Variants in MTRR observed in about 807,000 individuals in gnomAD.
MTRR encodes the protein methionine synthase reductase.
MTRR carries 63 observed loss-of-function variants against 79.2 expected under a neutral mutation model. The ratio of observed to expected loss-of-function variants is 0.80; its 90% CI spans 0.65 to 0.98. The LOEUF is 0.98. Among genes scored for constraint, MTRR ranks in the 50% least tolerant of loss-of-function variants. MTRR has a pLI of 0.00. For synonymous variants in MTRR, 355 were observed against 313.3 expected, an observed-to-expected ratio of 1.13 and a Z score of -1.41; for missense variants, 895 against 839.6, an observed-to-expected ratio of 1.07 and a Z score of -0.82.
chr5:7,883,895 G>T (rs999786236), intron 6 of MTRR, among the ~76,000 whole-genome samples: 6 of 152,210 alleles, frequency 3.9e-5, no homozygotes, highest in African/African-American at 1.2e-4. Flanking sequence ...AGAGCCTAAG[G>T]TCAAACGAGG....
chr5:7,860,659 A>G (rs1243187957), intron 1 of MTRR, among the ~76,000 whole-genome samples: 1 of 152,230 alleles, frequency 6.6e-6, no homozygotes. Flanking sequence ...ACCAGTTAGT[A>G]CTGTAAAAGC....
upstream of MTRR, chr5:7,867,630 CT>C (rs1459997556): frequency 1.2e-6 from 2 of 1,614,114 alleles, no homozygotes; most frequent in African/African-American, 1.3e-5. Context: ...TCCAGTATTT[CT>C]TTTGGCAGCC....
chr5:7,864,808 T>A (rs162028), upstream of MTRR, among the ~76,000 whole-genome samples: 31,826 of 146,814 alleles, frequency 0.22, 4,860 homozygotes, highest in African/African-American at 0.44. Context: ...CTGTAACTAT[T>A]AGGGAAAAAA....
chr5:7,870,806 T>A lies in MTRR; in HGVS notation c.12T>A (p.Phe4Leu). 1 of 1,614,242 alleles carries A rather than the reference T, an allele frequency of 6.2e-7. No individual in the cohort carries two copies. The highest frequency in any genetic ancestry group is 8.5e-7 in the Non-Finnish European group (1 of 1,180,044). ...CATGCCTTGAAGTGATGAGGAGGTT[T>A]CTGTTACTATATGCTACACAGCAGG... Reference protein sequence around the residue: MRRFLLLYATQQGQ... With the variant: MRRLLLLYATQQGQ... Residue 4 changes from phenylalanine (F) to leucine (L), a missense_variant, in exon 2 of 15, where the codon TTT becomes TTA. By Grantham distance (22) the Phe-to-Leu change is conservative (BLOSUM62 0). Transcript: ENST00000440940.
chr5:7,888,972 C>T (rs1737082888), intron 8 of MTRR, 123 bp from the exon 9 acceptor site: 7 of 1,069,236 alleles, frequency 6.5e-6, no homozygotes, highest in Non-Finnish European at 9.8e-6. Context: ...GACAATAGCT[C>T]CTAGTGGCTT....
chr5:7,896,778 G>C, intron 12 of MTRR, 86 bp from the exon 13 acceptor site: 2 of 1,030,568 alleles, frequency 1.9e-6, no homozygotes, highest in Non-Finnish European at 3.0e-6. Context: ...ATCCGTCTGA[G>C]TTTGTTGGTG....
At chr5:7,866,657 T>C, upstream of MTRR, 1 of 1,584,400 alleles carries the variant, frequency 6.3e-7, no homozygotes, top group Non-Finnish European at 8.6e-7. Flanking sequence ...TTGCAGCCGT[T>C]GAAGGAAAAG....
In MTRR at chr5:7,857,867, AAGG is replaced by A. The variant is rs537747862; in HGVS notation, n.392-4078_392-4076del. ...CAGAGGCTGTAAGTGAAAACTGCAG[AAGG>A]AGGAGCATCTGATTCTGATGAGCAA... On this transcript the variant is annotated intron_variant and non_coding_transcript_variant, in intron 1 of 3. Coordinates refer to the MTRR transcript ENST00000502509. 2.3e-3 allele frequency among the ~76,000 whole-genome samples: 349 copies of A among 152,278 alleles called. 2 individuals carry two copies. Among genetic ancestry groups the A allele is most frequent in the Non-Finnish European group, 3.7e-3 (254 of 68,022 alleles).
chr5:7,891,830 C>A (rs997611662), intron 10 of MTRR, among the ~76,000 whole-genome samples: 17 of 152,096 alleles, frequency 1.1e-4, no homozygotes, highest in Non-Finnish European at 1.8e-4. Context: ...ATCATGAGGT[C>A]AGGAGATCAA....
At chr5:7,895,072 A>G (rs115426548) in intron 11 of MTRR, among the ~76,000 whole-genome samples, 4,596 of 152,298 alleles carry the variant, frequency 0.03, 122 homozygotes, top group Non-Finnish European at 0.046. Context: ...TGCAAGGTGG[A>G]GGGGAATCCT....
chr5:7,872,694 G>A (rs543682155), intron 2 of MTRR, among the ~76,000 whole-genome samples: 1 of 152,308 alleles, frequency 6.6e-6, no homozygotes, highest in East Asian at 1.9e-4. Flanking sequence ...TTTCAGAGCT[G>A]TTGTGTTTTT....
intron 11 of MTRR, chr5:7,893,210 G>A (rs1330689520): frequency 2.5e-6 from 1 of 402,046 alleles, no homozygotes; most frequent in Non-Finnish European, 4.6e-6. Flanking sequence ...TTGGCCTGGG[G>A]AGGGGTGGAG....
At chr5:7,850,997 T>C, upstream of MTRR, 1 of 1,284,854 alleles carries the variant, frequency 7.8e-7, no homozygotes, top group Non-Finnish European at 9.8e-7. Context: ...GTGGACGCGG[T>C]GGTCTCCTCC....
Position 7,889,626 on chromosome 5 carries a change from G to A in MTRR, c.1327+351G>A, listed in dbSNP as rs983783175. ...ATCTTTTCTAATTTAACTTTTTTCA[G>A]AAAGGTTGTTTAGCTAAATGTCTAA... is the stretch of plus-strand genomic sequence containing the variant. On this transcript the variant is annotated intron_variant, in intron 9 of 14. Coordinates refer to ENST00000440940, the MANE Select transcript of MTRR (RefSeq NM_002454.3). 4.6e-5 allele frequency among the ~76,000 whole-genome samples: 7 copies of A among 152,042 alleles called. No individual in the cohort carries two copies. The South Asian group carries it at 1.2e-3, about 27-fold the overall frequency.
rs746262908 is a variant in MTRR at position 7,896,844 on chromosome 5, CT to C, written c.1677-9del. On this transcript the variant is annotated intron_variant, in intron 12 of 14. Coordinates refer to ENST00000440940, the MANE Select transcript of MTRR (RefSeq NM_002454.3). ...ATATTCTTTATATCACACACCTAAA[CT>C]TTTTTTTTTTCCACTTAGAGAGAAA... The C allele has an allele frequency of 9.7e-3, 10,972 of 1,125,814 alleles. No individual in the cohort carries two copies. The highest frequency in any genetic ancestry group is 0.011 in the Non-Finnish European group (9,160 of 811,614). The allele number at this position is 1,125,814 out of a possible 1,614,324, so 69.7% of individuals were successfully genotyped here.
intron 1 of MTRR, chr5:7,856,795 G>A (rs1746260525): frequency 6.8e-6 from 1 of 147,688 alleles, no homozygotes; most frequent in African/African-American, 2.5e-5. Flanking sequence ...AGGAGGAACT[G>A]ACTGCTTCCG....
chr5:7,888,941 T>C (rs969218774), intron 8 of MTRR, among the ~76,000 whole-genome samples, 154 bp from the exon 9 acceptor site: 15 of 152,296 alleles, frequency 9.8e-5, no homozygotes, highest in African/African-American at 3.4e-4. Flanking sequence ...AAGCAAATGG[T>C]AAATTAAATT....
upstream of MTRR, among the ~76,000 whole-genome samples, chr5:7,864,812 G>GA (rs199812613): frequency 6.0e-3 from 877 of 145,662 alleles, 38 homozygotes; most frequent in African/African-American, 0.024. Flanking sequence ...AACTATTAGG[G>GA]AAAAAAAATC....
chr5:7,890,818 A>G (rs1579772608), intron 9 of MTRR, among the ~76,000 whole-genome samples: 1 of 152,226 alleles, frequency 6.6e-6, no homozygotes. Context: ...AAGAATACCT[A>G]CGTATTTTGA....
Sources: gnomAD v4.1 joint callset for allele counts (sites outside exome capture counted in the v4.1 genomes callset) on GRCh38, gnomAD v4.1.1 for gene constraint, MANE v1.5 for transcripts, NCBI Gene and HGNC (gene_info 2026-07-23, HGNC 2026-07-21) for gene names.